The following MTOR variants were observed in gnomAD, a reference collection of about 807,000 sequenced individuals.
The protein encoded by MTOR is serine/threonine-protein kinase mTOR.
A neutral mutation model predicts 319.8 loss-of-function variants in MTOR; 70 were observed. That is an observed-to-expected ratio of 0.22 (90% CI 0.18 to 0.27). The LOEUF is 0.27. MTOR is among the 10% of genes least tolerant of loss of function. The pLI is 1.00. For missense variants in MTOR, 1,890 were observed against 3,274.4 expected (o/e 0.58, Z 10.32); for synonymous variants, 1,183 against 1,211.4 (o/e 0.98, Z 0.49).
chr1:11,184,507 G>A (rs909237425), intron 28 of MTOR, among the ~76,000 whole-genome samples: 18 of 152,176 alleles, frequency 1.2e-4, no homozygotes, highest in Non-Finnish European at 2.5e-4. Flanking sequence ...GTTGAGATGG[G>A]AAGATCTCTT....
intron 28 of MTOR, chr1:11,194,319 A>T: frequency 1.3e-6 from 1 of 783,530 alleles, no homozygotes. Context: ...AGTAAACTGG[A>T]GGTAAACAAG....
chr1:11,157,933 C>T (rs1381586300), intron 29 of MTOR, among the ~76,000 whole-genome samples: 1 of 152,144 alleles, frequency 6.6e-6, no homozygotes, highest in Non-Finnish European at 1.5e-5. Flanking sequence ...GTCTCCCATC[C>T]AATGTTCCCT....
At chr1:11,238,763 C>CTT in intron 11 of MTOR, 146 bp from the exon 12 acceptor site, 1 of 607,484 alleles carries the variant, frequency 1.6e-6, no homozygotes, top group Non-Finnish European at 2.7e-6. Flanking sequence ...ACCCGGAACT[C>CTT]TTCTTTTTTT....
At chr1:11,233,264 T>C (rs989018315) in intron 15 of MTOR, 134 bp downstream of exon 15, 2 of 836,278 alleles carry the variant, frequency 2.4e-6, no homozygotes, top group Non-Finnish European at 3.9e-6. Context: ...CTGTTATGAA[T>C]GCATTGTTGG....
intron 19 of MTOR, among the ~76,000 whole-genome samples, chr1:11,217,846 C>T (rs1409178130): frequency 6.6e-6 from 1 of 151,418 alleles, no homozygotes; most frequent in Non-Finnish European, 1.5e-5. Flanking sequence ...AAAAGCATTA[C>T]TTAAAAAAAA....
At chr1:11,215,329 T>C (rs1453423227) in intron 20 of MTOR, among the ~76,000 whole-genome samples, 2 of 152,172 alleles carry the variant, frequency 1.3e-5, no homozygotes, top group Non-Finnish European at 1.5e-5. Flanking sequence ...AGTCAGGGAA[T>C]AGAGCAGCTT....
Position 11,121,429 on chromosome 1 carries a change from G to A in MTOR, c.6811-61C>T. 1.2e-6 allele frequency: 2 copies of A among 1,601,374 alleles called. No individual in the cohort carries two copies. The highest frequency in any genetic ancestry group is 8.5e-7 in the Non-Finnish European group (1 of 1,174,128). On this transcript the variant is annotated intron_variant, in intron 48 of 57. Coordinates refer to ENST00000361445, the MANE Select transcript of MTOR (RefSeq NM_004958.4). This position sits in a 1 kb window ranked among gnomAD's most constrained non-coding sequence, Gnocchi z 4.9. ...CCTAAGACATGTAGTTTGGGTCCAG[G>A]AAGAAACAAGGCTTGGGGTCCAGGC...
At chr1:11,243,058 G>T in intron 9 of MTOR, 56 bp downstream of exon 9, 6 of 1,592,114 alleles carry the variant, frequency 3.8e-6, no homozygotes, top group Non-Finnish European at 4.3e-6. Context: ...GAAATAGAGC[G>T]TCCTTCCTCT....
At chr1:11,232,168 TG>T (rs1442106624) in intron 16 of MTOR, among the ~76,000 whole-genome samples, 2 of 152,240 alleles carry the variant, frequency 1.3e-5, no homozygotes, top group Non-Finnish European at 2.9e-5. Flanking sequence ...GCTACGGCTC[TG>T]ACAATTGACC....
intron 1 of MTOR, among the ~76,000 whole-genome samples, chr1:11,261,696 G>C (rs1651157356): frequency 6.6e-6 from 1 of 152,078 alleles, no homozygotes; most frequent in Non-Finnish European, 1.5e-5. Context: ...CTGCCAAGAA[G>C]AAGACTGCAG....
chr1:11,122,099 T>A lies in MTOR; in HGVS notation c.6690A>T (p.Leu2230Phe). Reference protein sequence around the residue: ...LSIQRYAVIPLSTNSGLIGWV... With the variant: ...LSIQRYAVIPFSTNSGLIGWV... ...AGCCAATGAGGCCCGAGTTGGTCGA[T>A]AAAGGGATGACAGCGTATCTCTGGA... Residue 2230 changes from leucine to phenylalanine, a missense_variant, in exon 48 of 58, where the codon TTA (leucine) becomes TTT (phenylalanine). Physicochemically the swap from Leu to Phe is conservative, Grantham distance 22. Coordinates refer to ENST00000361445, the MANE Select transcript of MTOR (RefSeq NM_004958.4). 6.2e-7 allele frequency: 1 copy of A among 1,614,210 alleles called. No homozygotes were observed.
rs1316517017 is a variant in MTOR at position 11,228,723 on chromosome 1, T to C, written c.2975A>G (p.Gln992Arg). The C allele has an allele frequency of 1.9e-6, 3 of 1,613,972 alleles. No homozygotes were observed. Among genetic ancestry groups the C allele is most frequent in the Non-Finnish European group, 8.5e-7 (1 of 1,180,008 alleles). The change falls in exon 19 of 58, where the codon CAG becomes CGG. Residue 992 changes from glutamine (Q) to arginine (R), a missense_variant. Physicochemically the swap from Gln to Arg is conservative, Grantham distance 43 (BLOSUM62 1). This residue lies in a region of MTOR where 377 missense variants were observed against 653.9 expected (regional missense o/e 0.58). Coordinates refer to ENST00000361445, the MANE Select transcript of MTOR (RefSeq NM_004958.4). ...LGLKCVQFLPQVMPTFLNVIR... is the reference protein window; with the variant it reads ...LGLKCVQFLPRVMPTFLNVIR... ...GACGTTAAGGAACGTGGGCATGACC[T>C]GGGGCAGGAACTGCACACATTTGAG...
chr1:11,173,574 C>T (rs960823880), intron 28 of MTOR, among the ~76,000 whole-genome samples: 3 of 152,292 alleles, frequency 2.0e-5, no homozygotes, highest in African/African-American at 4.8e-5. Flanking sequence ...TGAGCCACCA[C>T]GCCCAGCCAC....
In MTOR at chr1:11,130,511, GGAA is replaced by G. The variant is rs747963247; in HGVS notation, c.5613+15_5613+17del. On this transcript the variant is annotated intron_variant, in intron 39 of 57. Coordinates refer to ENST00000361445, the MANE Select transcript of MTOR (RefSeq NM_004958.4). ...TGGCACCTTGGTTGGTTGTTAATAA[GGAA>G]GAAGGGAAGGGTACCTCAGTGACCT... 1.6e-5 allele frequency: 25 copies of G among 1,604,860 alleles called. No individual in the cohort carries two copies. The Admixed American group carries it at 4.1e-4, about 26-fold the overall frequency.
intron 6 of MTOR, among the ~76,000 whole-genome samples, chr1:11,251,818 C>A (rs1016245834): frequency 6.6e-6 from 1 of 151,966 alleles, no homozygotes; most frequent in African/African-American, 2.4e-5. Context: ...AATTTACAAA[C>A]CACCTGCACA....
chr1:11,184,348 C>G (rs964324447), intron 28 of MTOR, among the ~76,000 whole-genome samples: 1 of 152,296 alleles, frequency 6.6e-6, no homozygotes, highest in African/African-American at 2.4e-5. Flanking sequence ...CTCCTTAATC[C>G]TAATGCCAAA....
intron 39 of MTOR, among the ~76,000 whole-genome samples, 169 bp from the exon 40 acceptor site, chr1:11,130,007 T>G (rs1201431158): frequency 6.6e-6 from 1 of 152,230 alleles, no homozygotes; most frequent in African/African-American, 2.4e-5. Flanking sequence ...AAAGACTCAA[T>G]AAATGGCAAC....
Position 11,124,575 on chromosome 1 carries a change from A to G in MTOR, c.6585T>C (p.Asp2195=), listed in dbSNP as rs753584607. Residue 2195 remains aspartate, a synonymous_variant, in exon 47 of 58, where the codon GAT becomes GAC. Coordinates refer to ENST00000361445, the MANE Select transcript of MTOR (RefSeq NM_004958.4). The stretch of plus-strand genomic sequence containing the variant: ...GGCCGAAGAGCTGCATCACACGCTC[A>G]TCCTGGCGCAGATCTTCATGGCCTT... ...LLKGHEDLRQ[D]ERVMQLFGLV... 46 of 1,612,944 alleles carry G rather than the reference A, an allele frequency of 2.9e-5. No homozygotes were observed. In the Admixed American group the frequency reaches 7.5e-4, roughly 26 times the overall value.
At chr1:11,147,100 C>T (rs1421059654) in intron 31 of MTOR, among the ~76,000 whole-genome samples, 1 of 152,202 alleles carries the variant, frequency 6.6e-6, no homozygotes. Context: ...TGCAGCACCT[C>T]ATTATCCTAG....
Sources: allele counts gnomAD v4.1 joint callset (sites outside exome capture counted in the v4.1 genomes callset), GRCh38; gene constraint gnomAD v4.1.1; regional missense constraint gnomAD v4.1.1; non-coding constraint Gnocchi (gnomAD v3.1); transcripts MANE v1.5; gene names NCBI Gene and HGNC (gene_info 2026-07-23, HGNC 2026-07-21).